The following NEK10 variants were observed in gnomAD, a reference collection of about 807,000 sequenced individuals.
NEK10 encodes the protein NIMA related kinase 10, also known as serine/threonine-protein kinase Nek10.
Under a neutral mutation model 159.8 loss-of-function variants are expected in NEK10, and 122 were observed. That is an observed-to-expected ratio of 0.76 (90% CI 0.66 to 0.89). The LOEUF (loss-of-function observed/expected upper bound fraction) is 0.89, where lower values mean the gene tolerates loss of function less well. Ranked by LOEUF, NEK10 falls within the 40% of genes least tolerant of loss-of-function variation. NEK10 has a pLI of 0.00. For synonymous variants in NEK10, 466 were observed against 457.1 expected, an observed-to-expected ratio of 1.02 and a Z score of -0.25; for missense variants, 1,342 against 1,323.1, an observed-to-expected ratio of 1.01 and a Z score of -0.22.
At chr3:27,345,704 G>A (rs1232721717) in intron 4 of NEK10, among the ~76,000 whole-genome samples, 2 of 152,174 alleles carry the variant, frequency 1.3e-5, no homozygotes, top group Non-Finnish European at 2.9e-5. Flanking sequence ...TTTTGACAAC[G>A]ATATACTTTA....
chr3:27,158,722 A>T (rs1232450379), intron 30 of NEK10, among the ~76,000 whole-genome samples: 1 of 152,192 alleles, frequency 6.6e-6, no homozygotes, highest in African/African-American at 2.4e-5. Context: ...AATCCAGTCA[A>T]ATTAGGCCAG....
At chr3:27,346,495 C>T (rs912614731) in intron 3 of NEK10, among the ~76,000 whole-genome samples, 1 of 152,152 alleles carries the variant, frequency 6.6e-6, no homozygotes, top group Non-Finnish European at 1.5e-5. Flanking sequence ...TACAATGTCA[C>T]GTCAACACAA....
In NEK10 at chr3:27,286,079, C is replaced by CTTTTTT. The variant is rs35663067; in HGVS notation, c.1790-1124_1790-1119dup. Among the ~76,000 whole-genome samples, 548 of 57,748 alleles carry CTTTTTT rather than the reference C, an allele frequency of 9.5e-3. 26 individuals carry two copies. Among genetic ancestry groups the CTTTTTT allele is most frequent in the East Asian group, 0.012 (24 of 2,022 alleles). The allele number at this position is 57,748 out of a possible 152,430, so 37.9% of individuals were successfully genotyped here. On this transcript the variant is annotated intron_variant, in intron 20 of 35. Coordinates refer to ENST00000691995, the MANE Select transcript of NEK10 (RefSeq NM_001394966.1). Reference sequence around the variant, plus strand: ...ATGTATTTTTAAGCCATTTCCAATTCTTTTTTTTTTTTTTTTTTTTTTTTG... The same window carrying CTTTTTT: ...ATGTATTTTTAAGCCATTTCCAATTCTTTTTTTTTTTTTTTTTTTTTTTTTTTTTTG...
chr3:27,154,786 A>G (rs1375514514), intron 30 of NEK10, among the ~76,000 whole-genome samples: 1 of 152,200 alleles, frequency 6.6e-6, no homozygotes, highest in Non-Finnish European at 1.5e-5. Context: ...TTGGCATACA[A>G]GGGACATACC....
chr3:27,310,733 A>C, intron 9 of NEK10: 1 of 414,084 alleles, frequency 2.4e-6, no homozygotes, highest in Non-Finnish European at 4.2e-6. Context: ...AAAAAAAAGA[A>C]AAGAGTTCCA....
intron 32 of NEK10, among the ~76,000 whole-genome samples, chr3:27,123,444 A>G (rs1941560352): frequency 6.6e-6 from 1 of 152,188 alleles, no homozygotes; most frequent in Non-Finnish European, 1.5e-5. Flanking sequence ...AAAAATGATG[A>G]AAGGGATATG....
At chr3:27,257,194 G>A (rs544910977) in intron 22 of NEK10, among the ~76,000 whole-genome samples, 10 of 152,258 alleles carry the variant, frequency 6.6e-5, no homozygotes, top group South Asian at 2.1e-4. Context: ...GATTACAGGC[G>A]TGAGCCACCA....
intron 30 of NEK10, among the ~76,000 whole-genome samples, chr3:27,159,454 G>A (rs1945805657): frequency 6.6e-6 from 1 of 152,102 alleles, no homozygotes; most frequent in Admixed American, 6.6e-5. Context: ...AGTACATATA[G>A]TTCTCAGACA....
rs746707146 is a variant in NEK10, at chr3:27,141,125, A to G, written c.2970+357T>C. On this transcript the variant is annotated intron_variant, in intron 31 of 35. Transcript: ENST00000691995. ...TTTCAACCTAGCATTCTCAGAATTA[A>G]TGTGTGGGCACTATTTTCCTCTTTC... Among the ~76,000 whole-genome samples, 3 of 152,168 alleles carry G rather than the reference A, an allele frequency of 2.0e-5. No individual in the cohort carries two copies. In the East Asian group the frequency reaches 5.8e-4, roughly 29 times the overall value.
intron 32 of NEK10, among the ~76,000 whole-genome samples, chr3:27,121,496 C>T (rs1269800987): frequency 2.6e-5 from 4 of 152,032 alleles, no homozygotes; most frequent in East Asian, 1.9e-4. Flanking sequence ...TGTCTGTTCT[C>T]GTGATAGTGA....
chr3:27,223,991 C>G (rs987129049), intron 23 of NEK10, among the ~76,000 whole-genome samples: 1 of 152,168 alleles, frequency 6.6e-6, no homozygotes, highest in Non-Finnish European at 1.5e-5. Context: ...CTCACAGTAC[C>G]TGTGAATGTG....
chr3:27,112,038 A>T (rs1458237307), intron 35 of NEK10, among the ~76,000 whole-genome samples: 1 of 152,132 alleles, frequency 6.6e-6, no homozygotes, highest in Non-Finnish European at 1.5e-5. Flanking sequence ...CCTTTTTCCC[A>T]GAAGCCCAGA....
chr3:27,193,677 T>C (rs544504996), intron 25 of NEK10, among the ~76,000 whole-genome samples: 3 of 147,128 alleles, frequency 2.0e-5, no homozygotes, highest in African/African-American at 5.0e-5. Context: ...TCATCTCTTA[T>C]ATACTTGCCA....
chr3:27,322,203 G>C lies in NEK10; in HGVS notation c.421C>G (p.Leu141Val). 1 of 1,563,140 alleles carries C rather than the reference G, an allele frequency of 6.4e-7. No homozygotes were observed. Among genetic ancestry groups the C allele is most frequent in the Non-Finnish European group, 8.7e-7 (1 of 1,148,832 alleles). Residue 141 changes from leucine to valine, a missense_variant, in exon 6 of 36, where the codon CTA (leucine) becomes GTA (valine). Transcript: ENST00000691995. Reference sequence around the variant, plus strand: ...TGATAACATGGATCCCTCATTAGTAGCCTCAGACAGATTAACACTCTCAGA... The same window carrying C: ...TGATAACATGGATCCCTCATTAGTACCCTCAGACAGATTAACACTCTCAGA... ...HFLRVLICLR[L>V]LMRDPCYQEI...
chr3:27,221,538 C>A (rs1296169397), intron 23 of NEK10, among the ~76,000 whole-genome samples: 2 of 152,292 alleles, frequency 1.3e-5, no homozygotes, highest in Non-Finnish European at 2.9e-5. Flanking sequence ...CTTTGGAAGA[C>A]AATTTGGCAG....
intron 25 of NEK10, among the ~76,000 whole-genome samples, chr3:27,199,518 T>C (rs973295856): frequency 6.6e-5 from 10 of 152,170 alleles, no homozygotes; most frequent in African/African-American, 2.4e-4. Context: ...GGAGTGTAAA[T>C]TAGTTCTACC....
chr3:27,139,555 T>C (rs919174845), intron 31 of NEK10, among the ~76,000 whole-genome samples: 5 of 152,096 alleles, frequency 3.3e-5, no homozygotes, highest in African/African-American at 1.2e-4. Flanking sequence ...CTAAGAAGGG[T>C]AGGCCAAGAA....
intron 6 of NEK10, among the ~76,000 whole-genome samples, chr3:27,316,513 C>T (rs2045193681): frequency 6.6e-6 from 1 of 151,878 alleles, no homozygotes; most frequent in African/African-American, 2.4e-5. Flanking sequence ...ATACAACAGG[C>T]CACAGAAAAT....
chr3:27,257,850 G>A (rs1159082608), intron 22 of NEK10, among the ~76,000 whole-genome samples: 2 of 148,670 alleles, frequency 1.3e-5, no homozygotes, highest in Non-Finnish European at 1.5e-5. Context: ...GTGCAGTGGC[G>A]CAATCTCGGC....
Sources: allele counts gnomAD v4.1 joint callset (sites outside exome capture counted in the v4.1 genomes callset), GRCh38; gene constraint gnomAD v4.1.1; transcripts MANE v1.5; gene names NCBI Gene and HGNC (gene_info 2026-07-23, HGNC 2026-07-21).